The following ACYP2 variants were observed in gnomAD, a reference collection of about 807,000 sequenced individuals.
The protein encoded by ACYP2 is acylphosphatase 2, also known as acylphosphatase-2.
In ACYP2, 12 loss-of-function variants were observed where a neutral mutation model predicts 11.2. The ratio of observed to expected loss-of-function variants is 1.08; its 90% confidence interval spans 0.69 to 1.74. The LOEUF is 1.74. ACYP2 is among the 40% of genes most tolerant of loss of function. The pLI is 0.00. For synonymous variants in ACYP2, 43 were observed against 32.2 expected, an observed-to-expected ratio of 1.33 and a Z score of -1.13; for missense variants, 134 against 101.9, an observed-to-expected ratio of 1.31 and a Z score of -1.35.
chr2:54,100,405 T>C (rs1025256669), intron 4 of ACYP2, among the ~76,000 whole-genome samples: 2 of 151,594 alleles, frequency 1.3e-5, no homozygotes, highest in Admixed American at 1.3e-4. Flanking sequence ...GCGGCCCAAG[T>C]GATCCTCTAA....
At chr2:54,072,513 T>TTCTTTCC (rs1677110622) in intron 4 of ACYP2, among the ~76,000 whole-genome samples, 2 of 146,056 alleles carry the variant, frequency 1.4e-5, no homozygotes, top group Admixed American at 7.0e-5. Context: ...CTCTCTCTCT[T>TTCTTTCC]TCTTTCTTCT....
intron 4 of ACYP2, among the ~76,000 whole-genome samples, chr2:54,073,437 A>AAACATAGAT (rs1677169294): frequency 6.6e-6 from 1 of 152,244 alleles, no homozygotes; most frequent in Admixed American, 6.5e-5. Context: ...TCTTGGAAGA[A>AAACATAGAT]AACATAGATG....
chr2:54,133,261 C>T (rs1681022439), intron 4 of ACYP2, among the ~76,000 whole-genome samples: 1 of 152,226 alleles, frequency 6.6e-6, no homozygotes, highest in Admixed American at 6.5e-5. Flanking sequence ...TCTTACTTAG[C>T]ATAATGCATT....
chr2:54,207,768 T>G (rs891283505), intron 6 of ACYP2, among the ~76,000 whole-genome samples: 4 of 152,196 alleles, frequency 2.6e-5, no homozygotes, highest in Admixed American at 2.6e-4. Flanking sequence ...GAACCATGAT[T>G]CTTATCAGTT....
Position 54,270,850 on chromosome 2 carries a change from C to A in ACYP2, c.405-33838C>A, listed in dbSNP as rs531651192. On this transcript the variant is annotated intron_variant, in intron 6 of 6. Transcript: ENST00000607452. ...GTTAGTGTGGAATTTCAATATTTAA[C>A]AAACAGTAAATAACTTCACTTGGTG... Among the ~76,000 whole-genome samples the A allele has an allele frequency of 2.0e-5, 3 of 152,268 alleles. No individual in the cohort carries two copies. In the South Asian group the frequency reaches 6.2e-4, roughly 32 times the overall value.
At chr2:54,201,620 C>CTTTG (rs57677546) in intron 6 of ACYP2, among the ~76,000 whole-genome samples, 1 of 87,080 alleles carries the variant, frequency 1.1e-5, no homozygotes, top group African/African-American at 4.5e-5. Context: ...TTCTTTCTTT[C>CTTTG]TTTGTTTCTT....
chr2:54,051,715 A>G lies in ACYP2; in HGVS notation c.155+665A>G, dbSNP rs1210255363. On this transcript the variant is annotated intron_variant, in intron 3 of 6. Coordinates refer to ENST00000607452, the MANE Select transcript of ACYP2 (RefSeq NM_001320586.2). ...AGCTAAAGGAAAGCCTGATGCAGCA[A>G]AAAAAGGAATCATCAAGGCTGAAAA... 2.3e-5 allele frequency: 14 copies of G among 598,150 alleles called. No individual in the cohort carries two copies. The East Asian group carries it at 4.2e-4, about 18-fold the overall frequency. The allele number at this position is 598,150 out of a possible 1,614,324, so 37.1% of individuals were successfully genotyped here. A position where few individuals can be genotyped will look rare whatever the true frequency, so the allele number is the denominator to read the frequency against.
At chr2:54,007,566 A>G (rs1429686875) in intron 2 of ACYP2, among the ~76,000 whole-genome samples, 1 of 151,886 alleles carries the variant, frequency 6.6e-6, no homozygotes. Context: ...ATGGTTTTTC[A>G]TTAGGTTTAC....
chr2:54,157,241 C>T (rs943972389), intron 6 of ACYP2, among the ~76,000 whole-genome samples: 1 of 151,946 alleles, frequency 6.6e-6, no homozygotes, highest in African/African-American at 2.4e-5. Context: ...AATATAATCC[C>T]TTATTATTTT....
At chr2:54,095,040 G>A (rs968428444) in intron 4 of ACYP2, among the ~76,000 whole-genome samples, 5 of 150,516 alleles carry the variant, frequency 3.3e-5, no homozygotes, top group Admixed American at 6.6e-5. Flanking sequence ...GCGGCCTTCC[G>A]CGGTGTTTGT....
Position 54,146,361 on chromosome 2 carries a change from G to C in ACYP2, c.404+7613G>C, listed in dbSNP as rs148668245. Among the ~76,000 whole-genome samples the C allele has an allele frequency of 2.2e-3, 340 of 151,552 alleles. 4 individuals carry two copies. Among genetic ancestry groups the C allele is most frequent in the Middle Eastern group, 0.01 (3 of 290 alleles). ...GCTGTAAATGCACTTGGAGGAGAAT[G>C]TTTTTTCTTTGACAATTTCCTTCCC... On this transcript the variant is annotated intron_variant, in intron 6 of 6. Transcript: ENST00000607452.
intron 4 of ACYP2, among the ~76,000 whole-genome samples, chr2:54,079,402 AT>A (rs1484387273): frequency 2.0e-5 from 3 of 152,362 alleles, no homozygotes; most frequent in African/African-American, 7.2e-5. Context: ...TGATTTAGGA[AT>A]CACATTAGTG....
chr2:54,015,688 C>CACACACACAA (rs1558473166), intron 2 of ACYP2, among the ~76,000 whole-genome samples: 3 of 122,488 alleles, frequency 2.4e-5, no homozygotes, highest in African/African-American at 1.1e-4. Flanking sequence ...CACACACACA[C>CACACACACAA]GGCAGAATCT....
intron 2 of ACYP2, among the ~76,000 whole-genome samples, chr2:54,035,094 C>G (rs959829907): frequency 6.7e-6 from 1 of 150,252 alleles, no homozygotes; most frequent in Non-Finnish European, 1.5e-5. Flanking sequence ...ATTTAAGAGC[C>G]CCAGCCTTGG....
At chr2:54,121,384 C>T (rs1680148457) in intron 4 of ACYP2, among the ~76,000 whole-genome samples, 1 of 152,126 alleles carries the variant, frequency 6.6e-6, no homozygotes, top group East Asian at 1.9e-4. Context: ...GTTGTGGACT[C>T]CACCTGGAAC....
At chr2:54,129,886 GATATT>G (rs1271247213) in intron 4 of ACYP2, among the ~76,000 whole-genome samples, 1 of 147,670 alleles carries the variant, frequency 6.8e-6, no homozygotes, top group Non-Finnish European at 1.5e-5. Flanking sequence ...TATTATTAAT[GATATT>G]ATATTATAAA....
chr2:54,148,787 AT>A (rs1310521356), intron 6 of ACYP2, among the ~76,000 whole-genome samples: 1 of 152,224 alleles, frequency 6.6e-6, no homozygotes, highest in African/African-American at 2.4e-5. Context: ...TAAAAAATGA[AT>A]TTATTCCTCT....
chr2:54,250,783 A>G (rs1174855113), intron 6 of ACYP2, among the ~76,000 whole-genome samples: 1 of 152,264 alleles, frequency 6.6e-6, no homozygotes, highest in East Asian at 1.9e-4. Flanking sequence ...TTTTGCTCAA[A>G]TAAGCCAAAG....
intron 2 of ACYP2, among the ~76,000 whole-genome samples, chr2:54,007,871 A>T (rs1375715635): frequency 6.6e-6 from 1 of 152,154 alleles, no homozygotes; most frequent in African/African-American, 2.4e-5. Context: ...ACTGAAAAAA[A>T]ACAAACAAAA....
Sources: gnomAD v4.1 joint callset for allele counts (sites outside exome capture counted in the v4.1 genomes callset) on GRCh38, gnomAD v4.1.1 for gene constraint, MANE v1.5 for transcripts, NCBI Gene and HGNC (gene_info 2026-07-23, HGNC 2026-07-21) for gene names.